COL4A4: variants seen among roughly 807,000 people sequenced by gnomAD.
COL4A4 encodes the protein collagen type IV alpha 4 chain.
COL4A4 carries 105 observed loss-of-function variants against 192.9 expected under a neutral mutation model. That is an observed-to-expected ratio of 0.54 (90% CI 0.46 to 0.64). The LOEUF (loss-of-function observed/expected upper bound fraction) is 0.64. COL4A4 is among the 30% of genes least tolerant of loss of function. The probability of loss-of-function intolerance (pLI) is 0.00; values close to 1 mark genes in which losing one functional copy is unlikely to be tolerated. For synonymous variants in COL4A4, 762 were observed against 769.9 expected (o/e 0.99, Z 0.17); for missense variants, 1,967 against 2,169.3 (o/e 0.91, Z 1.85).
the COL4A4 span, among the ~76,000 whole-genome samples, chr2:226,978,711 C>G: frequency 6.6e-6 from 1 of 152,168 alleles, no homozygotes; most frequent in Non-Finnish European, 1.5e-5. Flanking sequence ...TAATCACTAA[C>G]CATGGCATCA....
intron 25 of COL4A4, among the ~76,000 whole-genome samples, chr2:227,068,334 T>C (rs951808650): frequency 4.0e-5 from 6 of 151,350 alleles, no homozygotes; most frequent in South Asian, 4.2e-4. Context: ...TTCCAATCAA[T>C]AGAAAAAGAG....
At chr2:227,040,249 G>A (rs1238739404) in intron 37 of COL4A4, among the ~76,000 whole-genome samples, 2 of 152,152 alleles carry the variant, frequency 1.3e-5, no homozygotes, top group South Asian at 2.1e-4. Context: ...AAAGGCAGGT[G>A]GAAGGAGAAA....
At chr2:227,038,797 T>G (rs958279024) in intron 37 of COL4A4, among the ~76,000 whole-genome samples, 1 of 152,216 alleles carries the variant, frequency 6.6e-6, no homozygotes, top group Non-Finnish European at 1.5e-5. Context: ...CTGCAAATAT[T>G]TAGTTTCTCA....
chr2:227,039,316 G>T lies in COL4A4; in HGVS notation c.3505+2832C>A, dbSNP rs950616937. On this transcript the variant is annotated intron_variant, in intron 37 of 47. Coordinates refer to ENST00000396625, the MANE Select transcript of COL4A4 (RefSeq NM_000092.5). ...CAAGTAGCTGGGACTACAGGCACCC[G>T]CCATCACGCTCACCTAATTTTTGTA... Among the ~76,000 whole-genome samples the T allele has an allele frequency of 2.0e-5, 3 of 152,106 alleles. No individual in the cohort carries two copies. In the East Asian group the frequency reaches 5.8e-4, roughly 29 times the overall value.
At chr2:227,045,859 TA>T (rs1972511756) in intron 35 of COL4A4, among the ~76,000 whole-genome samples, 1 of 87,860 alleles carries the variant, frequency 1.1e-5, no homozygotes, top group African/African-American at 5.3e-5. Flanking sequence ...CACATATATA[TA>T]TACACATATA....
chr2:227,057,585 G>A lies in COL4A4; in HGVS notation c.2399C>T (p.Pro800Leu), dbSNP rs200714000. ...GGGACCTTTGAGACCTAGGAATCCA[G>A]GAATGCCAGCTGGCCCTGAAATGAT... ...CPGAEGPAGI[P>L]GFLGLKGPKG... is the part of the protein sequence containing the mutation. Residue 800 changes from proline to leucine, a missense_variant, in exon 29 of 48, where the codon CCT becomes CTT. Pro to Leu is a moderately conservative substitution (Grantham distance 98). Coordinates refer to ENST00000396625, the MANE Select transcript of COL4A4 (RefSeq NM_000092.5). 6.2e-7 allele frequency: 1 copy of A among 1,614,038 alleles called. No individual in the cohort carries two copies. The highest frequency in any genetic ancestry group is 1.1e-5 in the South Asian group (1 of 91,072).
At chr2:227,030,676 G>A (rs1968094573) in intron 40 of COL4A4, 78 bp from the exon 41 acceptor site, 1 of 1,159,654 alleles carries the variant, frequency 8.6e-7, no homozygotes, top group South Asian at 1.7e-5. Context: ...AGCTTCCGAA[G>A]AAAAACAATT....
Position 227,004,476 on chromosome 2 carries a change from C to G in COL4A4, c.*2849G>C, listed in dbSNP as rs531063842. 6.6e-6 allele frequency: 1 copy of G among 152,216 alleles called. No individual in the cohort carries two copies. The highest frequency in any genetic ancestry group is 1.5e-5 in the Non-Finnish European group (1 of 68,054). 9.4% of individuals were successfully genotyped at this position (152,216 alleles called of 1,614,324 possible). A position where few individuals can be genotyped will look rare whatever the true frequency, so the allele number is the denominator to read the frequency against. ...GAAGTCATTTGGACTTCATGGGCAGCGGAGTCACAGAAGGATTCTAATCCA... is the reference window on the plus strand; with the variant it reads ...GAAGTCATTTGGACTTCATGGGCAGGGGAGTCACAGAAGGATTCTAATCCA... On this transcript the variant is annotated 3_prime_UTR_variant, in exon 48 of 48. Coordinates refer to ENST00000396625, the MANE Select transcript of COL4A4 (RefSeq NM_000092.5).
intron 25 of COL4A4, among the ~76,000 whole-genome samples, chr2:227,071,116 T>C (rs1449885058): frequency 6.6e-6 from 1 of 151,952 alleles, no homozygotes; most frequent in Admixed American, 6.6e-5. Context: ...GATGGCAAAA[T>C]GGACAAAAAC....
In COL4A4 at chr2:227,007,608, G is replaced by T. The variant is rs754568766; in HGVS notation, c.4810-20C>A. 1 of 1,612,198 alleles carries T rather than the reference G, an allele frequency of 6.2e-7. No homozygotes were observed. Among genetic ancestry groups the T allele is most frequent in the Non-Finnish European group, 8.5e-7 (1 of 1,180,014 alleles). The stretch of plus-strand genomic sequence containing the variant: ...TGTGTGCTACCCAGAAAACAAGAGA[G>T]AATTAGGGCTCAGACACACACAGAC... On this transcript the variant is annotated intron_variant, in intron 47 of 47. Transcript: ENST00000396625.
chr2:227,004,067 G>A lies in COL4A4; in HGVS notation c.*3258C>T, dbSNP rs1168837847. 1 of 152,220 alleles carries A rather than the reference G, an allele frequency of 6.6e-6. No homozygotes were observed. Among genetic ancestry groups the A allele is most frequent in the African/African-American group, 2.4e-5 (1 of 41,464 alleles). The allele number at this position is 152,220 out of a possible 1,614,324, so 9.4% of individuals were successfully genotyped here. ...TTATGGAATTGTCATTGAAAAAAAT[G>A]AATTGGCAGTAATGTGTTCAACTCT... On this transcript the variant is annotated 3_prime_UTR_variant, in exon 48 of 48. Transcript: ENST00000396625.
At chr2:227,074,385 T>A (rs1354931461) in intron 25 of COL4A4, among the ~76,000 whole-genome samples, 1 of 151,960 alleles carries the variant, frequency 6.6e-6, no homozygotes, top group African/African-American at 2.4e-5. Context: ...GGCCATTATT[T>A]AAAGACAAAA....
At chr2:227,144,881 G>T (rs914424460) in intron 2 of COL4A4, among the ~76,000 whole-genome samples, 4 of 152,172 alleles carry the variant, frequency 2.6e-5, no homozygotes, top group African/African-American at 9.7e-5. Flanking sequence ...AATGAAAACT[G>T]CAGGAGAGAA....
the COL4A4 span, among the ~76,000 whole-genome samples, chr2:226,982,995 CCT>C: frequency 6.6e-6 from 1 of 150,416 alleles, no homozygotes; most frequent in Non-Finnish European, 1.5e-5. Context: ...CATAGCATAA[CCT>C]AGGAAACTAC....
intron 35 of COL4A4, 51 bp downstream of exon 35, chr2:227,047,424 T>C (rs1231478999): frequency 7.5e-7 from 1 of 1,330,784 alleles, no homozygotes; most frequent in Admixed American, 1.7e-5. Context: ...TGTTCTGCTT[T>C]TCAAACTAAA....
downstream of COL4A4, among the ~76,000 whole-genome samples, chr2:226,999,771 A>G (rs1199989667): frequency 1.3e-5 from 2 of 152,226 alleles, no homozygotes; most frequent in Non-Finnish European, 2.9e-5. Flanking sequence ...TCTGGGACAC[A>G]CACAAGCAAA....
chr2:226,968,114 A>T, the COL4A4 span, among the ~76,000 whole-genome samples: 22 of 152,298 alleles, frequency 1.4e-4, no homozygotes, highest in African/African-American at 5.3e-4. Context: ...GTTTACAAAG[A>T]TAGGAGACAT....
Position 227,101,551 on chromosome 2 carries a change from G to T in COL4A4, c.982C>A (p.Leu328Ile). The change falls in exon 17 of 48, where the codon CTA becomes ATA. Residue 328 changes from leucine (L) to isoleucine (I), a missense_variant. Coordinates refer to ENST00000396625, the MANE Select transcript of COL4A4 (RefSeq NM_000092.5). ...AGCCCAGGATCTCCAACCAGTCCTAGTTCTCCCTACAAACAAGCACAAACA... is the reference window on the plus strand; with the variant it reads ...AGCCCAGGATCTCCAACCAGTCCTATTTCTCCCTACAAACAAGCACAAACA... ...SPGFPGLKGE[L>I]GLVGDPGLFG... The T allele has an allele frequency of 1.2e-6, 2 of 1,610,216 alleles. No homozygotes were observed. The highest frequency in any genetic ancestry group is 1.7e-6 in the Non-Finnish European group (2 of 1,178,742).
chr2:227,044,496 A>C (rs1166897236), intron 35 of COL4A4, among the ~76,000 whole-genome samples: 2 of 152,186 alleles, frequency 1.3e-5, no homozygotes, highest in Non-Finnish European at 2.9e-5. Flanking sequence ...GTTAGTCTGT[A>C]CCTGTTCCCT....
Sources: allele counts gnomAD v4.1 joint callset (sites outside exome capture counted in the v4.1 genomes callset), GRCh38; gene constraint gnomAD v4.1.1; transcripts MANE v1.5; gene names NCBI Gene and HGNC (gene_info 2026-07-23, HGNC 2026-07-21).